Variants in ADAM12 observed in about 807,000 individuals in gnomAD.
ADAM12 encodes ADAM metallopeptidase domain 12.
A neutral mutation model predicts 106.4 loss-of-function variants in ADAM12; 70 were observed. The observed-to-expected ratio is 0.66, with a 90% CI of 0.54 to 0.80. The LOEUF (loss-of-function observed/expected upper bound fraction) is 0.80, where lower values mean the gene tolerates loss of function less well. ADAM12 is among the 30% of genes least tolerant of loss of function. The pLI, the probability that ADAM12 is intolerant of heterozygous loss-of-function variation, is 0.00. For synonymous variants in ADAM12, 420 were observed against 433.5 expected, an observed-to-expected ratio of 0.97 and a Z score of 0.39; for missense variants, 1,010 against 1,171.9, an observed-to-expected ratio of 0.86 and a Z score of 2.02.
At chr10:126,234,207 G>A (rs1386631150) in intron 3 of ADAM12, among the ~76,000 whole-genome samples, 2 of 152,208 alleles carry the variant, frequency 1.3e-5, no homozygotes, top group East Asian at 1.9e-4. Context: ...AATGGAATGA[G>A]ATTCTGCGTC....
At chr10:126,354,621 A>T (rs1029385903) in intron 1 of ADAM12, among the ~76,000 whole-genome samples, 5 of 152,134 alleles carry the variant, frequency 3.3e-5, no homozygotes, top group Non-Finnish European at 5.9e-5. Flanking sequence ...AGCTTTTTTT[A>T]AAAAAATTAG....
intron 2 of ADAM12, among the ~76,000 whole-genome samples, chr10:126,322,001 T>A (rs1854119215): frequency 6.6e-6 from 1 of 151,902 alleles, no homozygotes; most frequent in South Asian, 2.1e-4. Context: ...GAATATCTAG[T>A]CTAGGGGTTA....
At chr10:126,273,704 T>C (rs2133742027) in intron 3 of ADAM12, among the ~76,000 whole-genome samples, 1 of 152,326 alleles carries the variant, frequency 6.6e-6, no homozygotes, top group Admixed American at 6.5e-5. Flanking sequence ...AGGCATAACC[T>C]GATTTCCATT....
chr10:126,028,567 A>G (rs1219816482), intron 21 of ADAM12, among the ~76,000 whole-genome samples: 1 of 152,220 alleles, frequency 6.6e-6, no homozygotes, highest in Non-Finnish European at 1.5e-5. Flanking sequence ...AGGATTCCCT[A>G]TTTAATAAAT....
At chr10:126,102,805 C>A (rs143222279) in intron 8 of ADAM12, among the ~76,000 whole-genome samples, 1 of 152,242 alleles carries the variant, frequency 6.6e-6, no homozygotes, top group Admixed American at 6.5e-5. Context: ...CCAGCCCAGG[C>A]TTCCGGGGCG....
At chr10:126,354,730 T>A (rs548768956) in intron 1 of ADAM12, among the ~76,000 whole-genome samples, 1 of 152,230 alleles carries the variant, frequency 6.6e-6, no homozygotes, top group Non-Finnish European at 1.5e-5. Context: ...GAAAGAAATT[T>A]TGATAAAAAT....
chr10:126,086,680 A>AAAATATATATATAT (rs1554966976), intron 11 of ADAM12, among the ~76,000 whole-genome samples: 9 of 24,250 alleles, frequency 3.7e-4, no homozygotes, highest in Non-Finnish European at 5.3e-4. Context: ...AAAAAAAAAA[A>AAAATATATATATAT]ATATATATAT....
intron 3 of ADAM12, among the ~76,000 whole-genome samples, chr10:126,180,152 T>A (rs118063076): frequency 0.032 from 4,812 of 152,294 alleles, 97 homozygotes; most frequent in Non-Finnish European, 0.05. Context: ...TTTTTAATCT[T>A]CCAACAACCC....
At chr10:126,129,276 G>C (rs1956262818) in intron 5 of ADAM12, among the ~76,000 whole-genome samples, 1 of 152,250 alleles carries the variant, frequency 6.6e-6, no homozygotes, top group Admixed American at 6.5e-5. Context: ...AGAAAAATTA[G>C]AGAGAGACAA....
chr10:126,130,791 G>A (rs1296238331), intron 5 of ADAM12, among the ~76,000 whole-genome samples: 1 of 152,224 alleles, frequency 6.6e-6, no homozygotes, highest in African/African-American at 2.4e-5. Context: ...AAGCCCTATG[G>A]GAGGATTTGT....
Position 126,022,953 on chromosome 10 carries a change from A to C in ADAM12, c.2530-3128T>G, listed in dbSNP as rs115861696. On this transcript the variant is annotated intron_variant, in intron 21 of 22. Transcript: ENST00000448723. Reference sequence around the variant, plus strand: ...TCAGATTTTTTAGAGGTTTCAAAACAATTTTAAATCCAGATATAACCACTT... The same window carrying C: ...TCAGATTTTTTAGAGGTTTCAAAACCATTTTAAATCCAGATATAACCACTT... Among the ~76,000 whole-genome samples, 1,165 of 152,302 alleles carry C rather than the reference A, an allele frequency of 7.6e-3. 12 individuals carry two copies. The highest frequency in any genetic ancestry group is 0.026 in the African/African-American group (1,099 of 41,568).
chr10:126,275,678 T>C (rs565757988), intron 3 of ADAM12, among the ~76,000 whole-genome samples: 2 of 152,314 alleles, frequency 1.3e-5, no homozygotes, highest in African/African-American at 4.8e-5. Flanking sequence ...TATTTTTTGC[T>C]CTTTAAAAGT....
chr10:126,189,521 T>C (rs1457497059), intron 3 of ADAM12, among the ~76,000 whole-genome samples: 3 of 152,118 alleles, frequency 2.0e-5, no homozygotes. Flanking sequence ...TACCACCAAC[T>C]CTTAGGACTG....
chr10:126,023,819 C>T (rs577694333), intron 21 of ADAM12, among the ~76,000 whole-genome samples: 121 of 151,910 alleles, frequency 8.0e-4, no homozygotes, highest in African/African-American at 2.8e-3. Context: ...TGCCTCCAGG[C>T]ACCTGGCAGA....
intron 3 of ADAM12, among the ~76,000 whole-genome samples, chr10:126,256,995 C>T (rs2133699395): frequency 6.6e-6 from 1 of 152,192 alleles, no homozygotes; most frequent in East Asian, 1.9e-4. Flanking sequence ...AGCATTTGAC[C>T]ATCCACTCTT....
chr10:126,085,217 C>T (rs1235100902), intron 11 of ADAM12, among the ~76,000 whole-genome samples: 1 of 152,186 alleles, frequency 6.6e-6, no homozygotes, highest in African/African-American at 2.4e-5. Context: ...TGGGTTTTCT[C>T]TGCTCTATTT....
At chr10:126,153,601 C>A (rs1462231029) in intron 4 of ADAM12, among the ~76,000 whole-genome samples, 1 of 152,128 alleles carries the variant, frequency 6.6e-6, no homozygotes, top group Non-Finnish European at 1.5e-5. Context: ...CTTATGTTCT[C>A]AGAAGTCCTA....
At chr10:126,176,429 C>T (rs763773508) in intron 3 of ADAM12, among the ~76,000 whole-genome samples, 1 of 152,108 alleles carries the variant, frequency 6.6e-6, no homozygotes, top group Non-Finnish European at 1.5e-5. Flanking sequence ...TAGAGTTTAC[C>T]GTCATTTTAA....
chr10:126,272,699 T>A (rs952613112), intron 3 of ADAM12: 1 of 157,262 alleles, frequency 6.4e-6, no homozygotes, highest in Non-Finnish European at 1.4e-5. Context: ...GGAGGGGGTG[T>A]GATGTCCACC....
Sources: gnomAD v4.1 joint callset for allele counts (sites outside exome capture counted in the v4.1 genomes callset) on GRCh38, gnomAD v4.1.1 for gene constraint, MANE v1.5 for transcripts, NCBI Gene and HGNC (gene_info 2026-07-23, HGNC 2026-07-21) for gene names.